The following KCNIP4 variants were observed in gnomAD, a reference collection of about 807,000 sequenced individuals.
The protein encoded by KCNIP4 is potassium voltage-gated channel interacting protein 4.
KCNIP4 carries 12 observed loss-of-function variants against 34.0 expected under a neutral mutation model. The observed-to-expected ratio is 0.35, with a 90% confidence interval of 0.23 to 0.57. The LOEUF is 0.57. Ranked by LOEUF, KCNIP4 falls within the 20% of genes least tolerant of loss-of-function variation. The pLI is 0.83. For missense variants in KCNIP4, 238 were observed against 311.7 expected (o/e 0.76, Z 1.78); for synonymous variants, 124 against 102.2 (o/e 1.21, Z -1.29).
chr4:20,909,840 T>C (rs1016879377), intron 1 of KCNIP4, among the ~76,000 whole-genome samples: 6 of 152,190 alleles, frequency 3.9e-5, no homozygotes, highest in Non-Finnish European at 5.9e-5. Flanking sequence ...CCTTCTCTCT[T>C]ACTTGTCTAG....
rs372158290 is a variant in KCNIP4, at chr4:21,434,315, G to T, written c.61+514256C>A. On this transcript the variant is annotated intron_variant, in intron 1 of 8. Transcript: ENST00000382152. ...TAAACCATGTTATTTGGCAAGTAAG[G>T]TCAGAGGCATAAAGAGGGTTGGATA... 3.3e-5 allele frequency among the ~76,000 whole-genome samples: 5 copies of T among 152,144 alleles called. No homozygotes were observed. In the East Asian group the frequency reaches 9.6e-4, roughly 29 times the overall value.
At chr4:21,623,506 T>C (rs140418965) in intron 1 of KCNIP4, among the ~76,000 whole-genome samples, 336 of 152,322 alleles carry the variant, frequency 2.2e-3, no homozygotes, top group African/African-American at 7.3e-3. Context: ...TGTCTCTCAT[T>C]CACAGTTTTT....
chr4:21,896,567 C>T (rs1015165635), intron 1 of KCNIP4, among the ~76,000 whole-genome samples: 1 of 152,034 alleles, frequency 6.6e-6, no homozygotes, highest in Admixed American at 6.6e-5. Flanking sequence ...CATGAAAGGC[C>T]TCAGGATCAT....
At chr4:21,834,150 G>T (rs1723172906) in intron 1 of KCNIP4, among the ~76,000 whole-genome samples, 1 of 152,120 alleles carries the variant, frequency 6.6e-6, no homozygotes, top group Admixed American at 6.5e-5. Context: ...TAGCTTGATG[G>T]GGATGGCATT....
Position 21,415,847 on chromosome 4 carries a change from C to A in KCNIP4, c.61+532724G>T, listed in dbSNP as rs558973324. 5.3e-5 allele frequency among the ~76,000 whole-genome samples: 8 copies of A among 152,230 alleles called. No individual in the cohort carries two copies. In the East Asian group the frequency reaches 1.5e-3, roughly 29 times the overall value. The stretch of plus-strand genomic sequence containing the variant: ...AGCACCTGGTGTGGGAGAGGAAAAA[C>A]CAGGCTGGAGAGAGGCTGGAGCAGA... On this transcript the variant is annotated intron_variant, in intron 1 of 8. Transcript: ENST00000382152.
intron 1 of KCNIP4, among the ~76,000 whole-genome samples, chr4:21,643,870 TGATAGATAGATA>T (rs5856654): frequency 2.1e-4 from 23 of 107,792 alleles, no homozygotes; most frequent in East Asian, 6.4e-4. Flanking sequence ...ATGATGATGA[TGATAGATAGATA>T]GATAGATAGA....
chr4:21,925,451 T>C (rs1232035695), intron 1 of KCNIP4, among the ~76,000 whole-genome samples: 1 of 152,182 alleles, frequency 6.6e-6, no homozygotes, highest in Non-Finnish European at 1.5e-5. Context: ...CCATGGTGTA[T>C]ACGTGCCACA....
Position 21,218,614 on chromosome 4 carries a change from C to G in KCNIP4, c.62-335905G>C, listed in dbSNP as rs1040818788. On this transcript the variant is annotated intron_variant, in intron 1 of 8. Transcript: ENST00000382152. Reference sequence around the variant, plus strand: ...AATAGGCCATTGATACTCCTAAGACCATGAGGAAATCTATGCACTATCTGC... The same window carrying G: ...AATAGGCCATTGATACTCCTAAGACGATGAGGAAATCTATGCACTATCTGC... Among the ~76,000 whole-genome samples, 9 of 152,090 alleles carry G rather than the reference C, an allele frequency of 5.9e-5. No individual in the cohort carries two copies. The East Asian group carries it at 1.7e-3, about 29-fold the overall frequency.
chr4:21,241,278 C>T (rs1347659091), intron 1 of KCNIP4, among the ~76,000 whole-genome samples: 1 of 152,112 alleles, frequency 6.6e-6, no homozygotes, highest in Non-Finnish European at 1.5e-5. Context: ...TACAAAGCAA[C>T]AATAACCTTT....
intron 1 of KCNIP4, among the ~76,000 whole-genome samples, chr4:21,279,762 AC>A: frequency 6.6e-6 from 1 of 152,180 alleles, no homozygotes. Context: ...TAAGTCACGT[AC>A]TATAATCTAT....
intron 3 of KCNIP4, among the ~76,000 whole-genome samples, chr4:20,840,855 T>C (rs1449842979): frequency 2.0e-5 from 3 of 152,186 alleles, no homozygotes; most frequent in Admixed American, 1.3e-4. Flanking sequence ...CTTTGAAATA[T>C]GTTGCAAGAG....
chr4:21,706,908 T>A (rs1172342506), intron 1 of KCNIP4, among the ~76,000 whole-genome samples: 1 of 152,204 alleles, frequency 6.6e-6, no homozygotes, highest in Non-Finnish European at 1.5e-5. Context: ...AAGTGGGTCT[T>A]GATAAAATAT....
chr4:21,447,240 A>G (rs1386704737), intron 1 of KCNIP4, among the ~76,000 whole-genome samples: 3 of 152,118 alleles, frequency 2.0e-5, no homozygotes, highest in Admixed American at 1.3e-4. Flanking sequence ...GCAGAAAGAG[A>G]CTTGAAGATG....
chr4:21,111,514 T>C (rs553318686), intron 1 of KCNIP4, among the ~76,000 whole-genome samples: 1 of 152,318 alleles, frequency 6.6e-6, no homozygotes, highest in South Asian at 2.1e-4. Context: ...CCTTCTCATC[T>C]AGAACAGGTA....
intron 1 of KCNIP4, among the ~76,000 whole-genome samples, chr4:21,827,248 T>C (rs1034915009): frequency 5.3e-5 from 8 of 152,014 alleles, no homozygotes; most frequent in African/African-American, 1.9e-4. Flanking sequence ...TATTCAACCA[T>C]AAAATCTACA....
At chr4:20,755,793 T>G (rs1754366834) in intron 4 of KCNIP4, among the ~76,000 whole-genome samples, 1 of 151,980 alleles carries the variant, frequency 6.6e-6, no homozygotes, top group African/African-American at 2.4e-5. Context: ...AGAAGATAAT[T>G]TCAGGCAGAG....
At chr4:21,867,672 T>C (rs933864580) in intron 1 of KCNIP4, among the ~76,000 whole-genome samples, 1 of 152,176 alleles carries the variant, frequency 6.6e-6, no homozygotes, top group Non-Finnish European at 1.5e-5. Context: ...CCAAAACCTC[T>C]ACATGGAAAA....
At chr4:21,747,274 T>G (rs1716839826) in intron 1 of KCNIP4, among the ~76,000 whole-genome samples, 1 of 152,136 alleles carries the variant, frequency 6.6e-6, no homozygotes, top group Non-Finnish European at 1.5e-5. Flanking sequence ...CCTTAGCAGG[T>G]CAAGTTCCCC....
At chr4:20,790,860 C>T (rs1161826485) in intron 3 of KCNIP4, among the ~76,000 whole-genome samples, 1 of 151,912 alleles carries the variant, frequency 6.6e-6, no homozygotes, top group South Asian at 2.1e-4. Flanking sequence ...TTTCCAAGTG[C>T]CATTTGGATT....
Sources: allele counts gnomAD v4.1 joint callset (sites outside exome capture counted in the v4.1 genomes callset), GRCh38; gene constraint gnomAD v4.1.1; transcripts MANE v1.5; gene names NCBI Gene and HGNC (gene_info 2026-07-23, HGNC 2026-07-21).